Variants in ARHGAP17 observed in about 807,000 individuals in gnomAD.
ARHGAP17 encodes Rho GTPase activating protein 17.
A neutral mutation model predicts 99.5 loss-of-function variants in ARHGAP17; 57 were observed. That is an observed-to-expected ratio of 0.57 (90% CI 0.46 to 0.71). The LOEUF (loss-of-function observed/expected upper bound fraction) is 0.71. ARHGAP17 is among the 30% of genes least tolerant of loss of function. The probability of loss-of-function intolerance (pLI) is 0.00; values close to 1 mark genes in which losing one functional copy is unlikely to be tolerated. For synonymous variants in ARHGAP17, 417 were observed against 429.6 expected, an observed-to-expected ratio of 0.97 and a Z score of 0.36; for missense variants, 1,000 against 1,122.4, an observed-to-expected ratio of 0.89 and a Z score of 1.56.
intron 7 of ARHGAP17, among the ~76,000 whole-genome samples, chr16:24,960,809 C>A (rs1265195028): frequency 6.6e-6 from 1 of 150,832 alleles, no homozygotes; most frequent in Non-Finnish European, 1.5e-5. Flanking sequence ...GTGCAAGACT[C>A]CGTCTCCAAA....
At position 24,930,869 on chromosome 16, in the gene ARHGAP17, G is replaced by A; in HGVS notation, c.2430C>T (p.Pro810=). The change falls in exon 19 of 20, where the codon CCC becomes CCT. Residue 810 remains proline (P), a synonymous_variant. Coordinates refer to ENST00000289968, the MANE Select transcript of ARHGAP17 (RefSeq NM_001006634.3). ...GGACACCAGGAGGTTGGGGGGGTGG[G>A]GGCACGCTGGGCCGGTTCCTTGGCT... is the stretch of plus-strand genomic sequence containing the variant. ...VPKPRNRPSV[P]PPPQPPGVHS... 6.2e-7 allele frequency: 1 copy of A among 1,613,952 alleles called. No homozygotes were observed. Among genetic ancestry groups the A allele is most frequent in the Non-Finnish European group, 8.5e-7 (1 of 1,179,992 alleles).
chr16:24,953,059 G>A lies in ARHGAP17; in HGVS notation c.853-17C>T, dbSNP rs1297618562. ...GAAAAGGCCCTAAAGATAATGAAAA[G>A]CCATCAGCATCAAGTGCAGGTTGGG... On this transcript the variant is annotated splice_polypyrimidine_tract_variant and intron_variant, in intron 10 of 19. Transcript: ENST00000289968. 3 of 1,612,234 alleles carry A rather than the reference G, an allele frequency of 1.9e-6. No individual in the cohort carries two copies. The highest frequency in any genetic ancestry group is 2.2e-5 in the East Asian group (1 of 44,892).
At position 24,931,207 on chromosome 16, in the gene ARHGAP17, G is replaced by C; in HGVS notation, c.2092C>G (p.Pro698Ala). ...GACAAGCTGCTGGAGTACCTCCGGG[G>C]TGCTGAGAGCTGGGAGGGGGCGGAG... Reference protein sequence around the residue: ...QPSAPSQLSAPRRYSSSLSPI... With the variant: ...QPSAPSQLSAARRYSSSLSPI... The change falls in exon 19 of 20, where the codon CCC (proline) becomes GCC (alanine). Residue 698 changes from proline to alanine, a missense_variant. Physicochemically the swap from Pro to Ala is conservative, Grantham distance 27. Around this residue, in one of 2 missense-constraint regions of ARHGAP17, gnomAD observed 528 missense variants for 511.4 expected, o/e 1.03. Transcript: ENST00000289968. 6.3e-7 allele frequency: 1 copy of C among 1,574,866 alleles called. No homozygotes were observed. Among genetic ancestry groups the C allele is most frequent in the East Asian group, 2.2e-5 (1 of 44,584 alleles).
chr16:24,920,060 GAA>G lies in ARHGAP17; in HGVS notation c.*68_*69del. On this transcript the variant is annotated 3_prime_UTR_variant, in exon 20 of 20. Transcript: ENST00000289968. ...AGCTTTTCACTGTTCGGTCTGCAAA[GAA>G]AGAGGTTCGCCTGCCCCTGCTCCAC... 4.4e-6 allele frequency: 7 copies of G among 1,580,638 alleles called. No individual in the cohort carries two copies. Among genetic ancestry groups the G allele is most frequent in the Non-Finnish European group, 6.0e-6 (7 of 1,158,812 alleles).
At chr16:24,962,150 C>T (rs186190077) in intron 7 of ARHGAP17, among the ~76,000 whole-genome samples, 12 of 151,714 alleles carry the variant, frequency 7.9e-5, no homozygotes, top group Non-Finnish European at 1.5e-4. Flanking sequence ...CCACCATACA[C>T]ACACACACAC....
intron 2 of ARHGAP17, among the ~76,000 whole-genome samples, chr16:24,978,129 C>T (rs2052572440): frequency 1.3e-5 from 2 of 152,126 alleles, no homozygotes; most frequent in African/African-American, 4.8e-5. Flanking sequence ...CTTGCAATGA[C>T]CAGATTTTCA....
intron 14 of ARHGAP17, among the ~76,000 whole-genome samples, 166 bp from the exon 15 acceptor site, chr16:24,944,028 T>C (rs992590120): frequency 2.0e-5 from 3 of 152,062 alleles, no homozygotes; most frequent in Non-Finnish European, 4.4e-5. Context: ...ACCCCAGCAC[T>C]TTGGGAGGCT....
At chr16:24,985,563 C>T (rs756610745) in intron 1 of ARHGAP17, among the ~76,000 whole-genome samples, 1 of 152,214 alleles carries the variant, frequency 6.6e-6, no homozygotes, top group African/African-American at 2.4e-5. Flanking sequence ...TCTTCCACTG[C>T]TAAGGACCTC....
At chr16:24,926,843 G>A (rs1035966264) in intron 19 of ARHGAP17, among the ~76,000 whole-genome samples, 1 of 152,192 alleles carries the variant, frequency 6.6e-6, no homozygotes, top group Non-Finnish European at 1.5e-5. Flanking sequence ...TCAAAATATG[G>A]ATACCTGGGT....
intron 1 of ARHGAP17, among the ~76,000 whole-genome samples, chr16:25,009,364 CAAAA>C (rs113928999): frequency 0.075 from 8,888 of 117,824 alleles, 835 homozygotes; most frequent in African/African-American, 0.22. Flanking sequence ...GAGACTCCGT[CAAAA>C]AAAAAAAAAA....
At chr16:24,996,135 A>G (rs1206503806) in intron 1 of ARHGAP17, among the ~76,000 whole-genome samples, 2 of 152,138 alleles carry the variant, frequency 1.3e-5, no homozygotes, top group Non-Finnish European at 2.9e-5. Flanking sequence ...GGAAATAAAT[A>G]TGTCTTCAGT....
At chr16:24,976,677 C>T (rs956523039) in intron 3 of ARHGAP17, among the ~76,000 whole-genome samples, 2 of 152,182 alleles carry the variant, frequency 1.3e-5, no homozygotes, top group African/African-American at 2.4e-5. Context: ...CCACTGGCCA[C>T]ACTCAAGGAA....
rs2053735087 is a variant in ARHGAP17, at chr16:25,014,679, G to A, written c.53+530C>T. On this transcript the variant is annotated intron_variant, in intron 1 of 19. Transcript: ENST00000289968. ...TCAAAGGGCGTTCTGAACTCACTGA[G>A]CAAATCCGGCTGGCTTTCATGTCCC... Among the ~76,000 whole-genome samples the A allele has an allele frequency of 2.6e-5, 4 of 152,190 alleles. No individual in the cohort carries two copies. The South Asian group carries it at 6.2e-4, about 24-fold the overall frequency.
chr16:24,922,128 A>C (rs1359046598), intron 19 of ARHGAP17, among the ~76,000 whole-genome samples: 5 of 152,242 alleles, frequency 3.3e-5, no homozygotes, highest in African/African-American at 1.2e-4. Flanking sequence ...CTTGAAGACG[A>C]CGTATAAGAA....
intron 1 of ARHGAP17, among the ~76,000 whole-genome samples, chr16:25,008,466 A>G (rs991741969): frequency 5.9e-5 from 9 of 152,236 alleles, no homozygotes; most frequent in South Asian, 2.1e-4. Context: ...TGGGCCTATT[A>G]CACTTTTAAT....
intron 4 of ARHGAP17, among the ~76,000 whole-genome samples, chr16:24,970,014 TCTTA>T (rs1356927858): frequency 6.6e-6 from 1 of 151,970 alleles, no homozygotes; most frequent in Non-Finnish European, 1.5e-5. Context: ...ACTGCTTTGT[TCTTA>T]CTTATATAAA....
intron 17 of ARHGAP17, chr16:24,936,577 A>AGG (rs1466360111): frequency 1.3e-5 from 2 of 152,130 alleles, no homozygotes; most frequent in African/African-American, 4.8e-5. Context: ...GTGGTGGCGC[A>AGG]TGCCTGTAGT....
rs935440986 is a variant in ARHGAP17 at position 24,933,670 on chromosome 16, A to G, written c.1894+1800T>C. On this transcript the variant is annotated intron_variant, in intron 18 of 19. Transcript: ENST00000289968. The stretch of plus-strand genomic sequence containing the variant: ...TCTAAGCAATACTAATTGTAAAGTC[A>G]TACTGAATAAAAGCTCGTTCCTGAA... Among the ~76,000 whole-genome samples the G allele has an allele frequency of 2.6e-5, 4 of 152,228 alleles. No individual in the cohort carries two copies. The South Asian group carries it at 8.3e-4, about 32-fold the overall frequency.
At chr16:24,947,201 A>C (rs1726229289) in intron 14 of ARHGAP17, among the ~76,000 whole-genome samples, 1 of 152,138 alleles carries the variant, frequency 6.6e-6, no homozygotes. Flanking sequence ...AAATATGTGT[A>C]TTTTTCTTAT....
Sources: allele counts gnomAD v4.1 joint callset (sites outside exome capture counted in the v4.1 genomes callset), GRCh38; gene constraint gnomAD v4.1.1; regional missense constraint gnomAD v4.1.1; transcripts MANE v1.5; gene names NCBI Gene and HGNC (gene_info 2026-07-23, HGNC 2026-07-21).